BRCA1: variants seen among roughly 807,000 people sequenced by gnomAD.
The protein encoded by BRCA1 is breast cancer type 1 susceptibility protein.
Under a neutral mutation model 173.7 loss-of-function variants are expected in BRCA1, and 140 were observed. That is an observed-to-expected ratio of 0.81 (90% CI 0.70 to 0.93). The LOEUF (loss-of-function observed/expected upper bound fraction) is 0.93, where lower values mean the gene tolerates loss of function less well. BRCA1 is among the 40% of genes least tolerant of loss of function. BRCA1 has a pLI of 0.00. For missense variants in BRCA1, 1,983 were observed against 2,172.5 expected (o/e 0.91, Z 1.73); for synonymous variants, 662 against 756.0 (o/e 0.88, Z 2.04).
upstream of BRCA1, among the ~76,000 whole-genome samples, chr17:43,126,251 C>T (rs571745729): frequency 2.0e-4 from 31 of 152,302 alleles, no homozygotes; most frequent in African/African-American, 6.7e-4. Flanking sequence ...TGCCCCGTCT[C>T]CGTCGACGCA....
intron 7 of BRCA1, 137 bp downstream of exon 7, chr17:43,099,638 T>A: frequency 1.4e-6 from 1 of 692,198 alleles, no homozygotes; most frequent in South Asian, 1.6e-5. Context: ...TTTTTATAAC[T>A]CACCATAGGG....
At chr17:43,050,474 G>C (rs1375299929) in intron 20 of BRCA1, among the ~76,000 whole-genome samples, 1 of 151,750 alleles carries the variant, frequency 6.6e-6, no homozygotes, top group Non-Finnish European at 1.5e-5. Flanking sequence ...TTAGTCGGGC[G>C]TGGTGGCACA....
intron 16 of BRCA1, among the ~76,000 whole-genome samples, chr17:43,064,294 T>A (rs2051956726): frequency 6.6e-6 from 1 of 152,224 alleles, no homozygotes. Flanking sequence ...TAGTTTTGAT[T>A]AATGTGGACG....
chr17:43,149,828 G>A (rs1388575960), intron 1 of BRCA1, among the ~76,000 whole-genome samples: 2 of 151,848 alleles, frequency 1.3e-5, no homozygotes, highest in African/African-American at 4.8e-5. Flanking sequence ...TTGCTCTGTC[G>A]CACAGCCTGG....
chr17:43,064,827 A>ATTTTTT (rs60879064), intron 16 of BRCA1, among the ~76,000 whole-genome samples: 4 of 106,680 alleles, frequency 3.7e-5, no homozygotes, highest in Non-Finnish European at 3.6e-5. Context: ...TTTGATTTGC[A>ATTTTTT]TTTTTTTTTT....
At chr17:43,158,112 A>G (rs775566211) in intron 1 of BRCA1, among the ~76,000 whole-genome samples, 22 of 152,178 alleles carry the variant, frequency 1.4e-4, no homozygotes, top group Non-Finnish European at 3.1e-4. Flanking sequence ...TCATTCTTAC[A>G]TCTTTAATTT....
At chr17:43,125,112 G>GCCCCCCCCCCCACCCCCCGC in intron 1 of BRCA1, 159 bp downstream of exon 1, 1 of 270,446 alleles carries the variant, frequency 3.7e-6, no homozygotes. Flanking sequence ...CCTACAAACT[G>GCCCCCCCCCCCACCCCCCGC]CCCCCCTCCC....
chr17:43,047,831 G>A (rs1813684473), intron 21 of BRCA1, 128 bp from the exon 22 acceptor site: 1 of 937,282 alleles, frequency 1.1e-6, no homozygotes, highest in Middle Eastern at 2.8e-4. Flanking sequence ...GAGTGCAGTG[G>A]TGTGATCTCA....
chr17:43,103,850 T>C (rs1460397384), intron 6 of BRCA1, among the ~76,000 whole-genome samples: 5 of 151,998 alleles, frequency 3.3e-5, no homozygotes, highest in Non-Finnish European at 7.4e-5. Flanking sequence ...CTCACACCTG[T>C]AATCCCAGCA....
chr17:43,052,349 T>A (rs914268273), intron 19 of BRCA1, among the ~76,000 whole-genome samples: 6 of 152,124 alleles, frequency 3.9e-5, no homozygotes, highest in African/African-American at 1.4e-4. Context: ...GGCACGATCA[T>A]AGCTTGCTGC....
At chr17:43,133,201 T>A (rs1233984393) in intron 1 of BRCA1, 1 of 152,112 alleles carries the variant, frequency 6.6e-6, no homozygotes, top group Non-Finnish European at 1.5e-5. Flanking sequence ...AAATGTTAAT[T>A]CCCTTATCCC....
chr17:43,066,386 G>C (rs959213636), intron 16 of BRCA1, among the ~76,000 whole-genome samples: 3 of 151,994 alleles, frequency 2.0e-5, no homozygotes, highest in South Asian at 2.1e-4. Context: ...ATGAAGCTGG[G>C]GTCTCCAGGT....
At chr17:43,107,101 G>C (rs1597901452) in intron 3 of BRCA1, among the ~76,000 whole-genome samples, 1 of 127,428 alleles carries the variant, frequency 7.8e-6, no homozygotes, top group East Asian at 2.2e-4. Flanking sequence ...GTCTCGCTCT[G>C]TCTCCCAGGC....
chr17:43,156,076 A>C (rs1286340815), intron 1 of BRCA1, among the ~76,000 whole-genome samples: 1 of 151,982 alleles, frequency 6.6e-6, no homozygotes, highest in African/African-American at 2.4e-5. Flanking sequence ...GCCTCTGCTA[A>C]AACTACAAAA....
chr17:43,130,781 T>C (rs879678448), intron 1 of BRCA1, among the ~76,000 whole-genome samples: 1 of 152,240 alleles, frequency 6.6e-6, no homozygotes, highest in Non-Finnish European at 1.5e-5. Context: ...CTCACAGTTT[T>C]ATGTCTAGTA....
chr17:43,051,163 GA>G (rs2051220870), intron 19 of BRCA1, 46 bp from the exon 20 acceptor site: 2 of 1,532,442 alleles, frequency 1.3e-6, no homozygotes, highest in East Asian at 4.5e-5. Context: ...TGGAGAGAAG[GA>G]AAATCTAGTT....
chr17:43,111,936 T>A (rs1337396406), intron 3 of BRCA1, among the ~76,000 whole-genome samples: 1 of 152,182 alleles, frequency 6.6e-6, no homozygotes, highest in Non-Finnish European at 1.5e-5. Flanking sequence ...TTAGAGTTTA[T>A]CCGTAGAAAA....
At chr17:43,155,063 TGTA>T (rs1288703063) in intron 1 of BRCA1, among the ~76,000 whole-genome samples, 2 of 152,202 alleles carry the variant, frequency 1.3e-5, no homozygotes, top group Non-Finnish European at 2.9e-5. Context: ...GGTGCTAAAA[TGTA>T]ATAATCCAGG....
At position 43,045,574 on chromosome 17, in the gene BRCA1, C is replaced by T. The variant is rs762641426; in HGVS notation, c.*104G>A. On this transcript the variant is annotated 3_prime_UTR_variant, in exon 23 of 23. Transcript: ENST00000357654. ...TACATAAAATATTTAGTAGCCAGGA[C>T]AGTAGAAGGACTGAAGAGTGAGAGG... 6.7e-7 allele frequency: 1 copy of T among 1,497,148 alleles called. No homozygotes were observed. The highest frequency in any genetic ancestry group is 9.2e-7 in the Non-Finnish European group (1 of 1,084,358). 92.7% of individuals were successfully genotyped at this position (1,497,148 alleles called of 1,614,324 possible).
Sources: allele counts gnomAD v4.1 joint callset (sites outside exome capture counted in the v4.1 genomes callset), GRCh38; gene constraint gnomAD v4.1.1; transcripts MANE v1.5; gene names NCBI Gene and HGNC (gene_info 2026-07-23, HGNC 2026-07-21).